Variants in NRXN3 observed in about 807,000 individuals in gnomAD.
The protein encoded by NRXN3 is neurexin III.
A neutral mutation model predicts 137.6 loss-of-function variants in NRXN3; 32 were observed. That is an observed-to-expected ratio of 0.23 (90% CI 0.18 to 0.31). NRXN3 has a LOEUF of 0.31. Ranked by LOEUF, NRXN3 falls within the 10% of genes least tolerant of loss-of-function variation. NRXN3 has a pLI of 1.00. For synonymous variants in NRXN3, 798 were observed against 784.5 expected, an observed-to-expected ratio of 1.02 and a Z score of -0.29; for missense variants, 1,574 against 2,062.5, an observed-to-expected ratio of 0.76 and a Z score of 4.59.
intron 15 of NRXN3, among the ~76,000 whole-genome samples, chr14:79,408,586 T>C (rs1247994966): frequency 6.6e-6 from 1 of 152,144 alleles, no homozygotes; most frequent in Non-Finnish European, 1.5e-5. Flanking sequence ...AGCCACCCAA[T>C]GACTTTTTTT....
intron 10 of NRXN3, among the ~76,000 whole-genome samples, chr14:78,885,874 T>C (rs1276656672): frequency 6.6e-6 from 1 of 152,060 alleles, no homozygotes; most frequent in Non-Finnish European, 1.5e-5. Flanking sequence ...GTATTAGTAT[T>C]GCTCACTCAC....
chr14:79,530,666 G>A (rs1170303452), intron 16 of NRXN3, among the ~76,000 whole-genome samples: 1 of 149,936 alleles, frequency 6.7e-6, no homozygotes, highest in Non-Finnish European at 1.5e-5. Context: ...TTTTAGCTGT[G>A]ATTGAAGAAA....
intron 10 of NRXN3, among the ~76,000 whole-genome samples, chr14:78,818,584 T>A (rs181898103): frequency 2.8e-4 from 42 of 152,260 alleles, no homozygotes; most frequent in Non-Finnish European, 2.9e-5. Context: ...TTTCATGAAG[T>A]CTGATTGGGC....
At chr14:79,315,755 T>C (rs1277525002) in intron 15 of NRXN3, among the ~76,000 whole-genome samples, 2 of 152,242 alleles carry the variant, frequency 1.3e-5, no homozygotes, top group African/African-American at 4.8e-5. Context: ...GAGTATATTC[T>C]TGGTTGCTCT....
chr14:78,680,066 G>T (rs1247309692), intron 6 of NRXN3, among the ~76,000 whole-genome samples: 23 of 151,722 alleles, frequency 1.5e-4, no homozygotes, highest in Admixed American at 1.5e-3. Context: ...ATTTTATATT[G>T]TGTATATATG....
intron 4 of NRXN3, among the ~76,000 whole-genome samples, chr14:78,519,858 G>A (rs1227680667): frequency 6.6e-6 from 1 of 152,152 alleles, no homozygotes; most frequent in Non-Finnish European, 1.5e-5. Flanking sequence ...AGAGATGTTT[G>A]TAGAGCATGC....
intron 8 of NRXN3, among the ~76,000 whole-genome samples, chr14:78,756,859 C>T (rs1207611994): frequency 6.6e-6 from 1 of 152,154 alleles, no homozygotes; most frequent in Non-Finnish European, 1.5e-5. Flanking sequence ...CTTACAAATC[C>T]TATATTTCTC....
At chr14:79,728,250 A>T (rs1395873997) in intron 19 of NRXN3, among the ~76,000 whole-genome samples, 1 of 152,166 alleles carries the variant, frequency 6.6e-6, no homozygotes, top group Non-Finnish European at 1.5e-5. Context: ...TAGTCCAGCT[A>T]CTTGATAGCC....
Position 78,942,445 on chromosome 14 carries a change from A to G in NRXN3, c.2276-14797A>G, listed in dbSNP as rs113496705. ...TCAGACATGAAAGATTTGGAAAAAC[A>G]GAAATAAAAAAGTTCCTTGAAGTAT... On this transcript the variant is annotated intron_variant, in intron 10 of 20. Coordinates refer to ENST00000335750, the MANE Select transcript of NRXN3 (RefSeq NM_001330195.2). 1.6e-3 allele frequency among the ~76,000 whole-genome samples: 246 copies of G among 152,344 alleles called. 1 individual carries two copies. Among genetic ancestry groups the G allele is most frequent in the African/African-American group, 5.3e-3 (222 of 41,584 alleles).
chr14:79,595,960 T>G (rs1317350512), intron 16 of NRXN3, among the ~76,000 whole-genome samples: 2 of 151,992 alleles, frequency 1.3e-5, no homozygotes, highest in Non-Finnish European at 2.9e-5. Flanking sequence ...TTTATGAAAA[T>G]CTAAAGACAG....
chr14:78,363,155 C>G lies in NRXN3; in HGVS notation c.757+65295C>G, dbSNP rs557744871. 1.8e-4 allele frequency among the ~76,000 whole-genome samples: 28 copies of G among 152,190 alleles called. No homozygotes were observed. In the South Asian group the frequency reaches 5.6e-3, roughly 31 times the overall value. ...TACCTGCCCTTCTTCCAGCCTGGCCCGGTTTGTTGCTTTGTTTTCACTGCT... is the reference window on the plus strand; with the variant it reads ...TACCTGCCCTTCTTCCAGCCTGGCCGGGTTTGTTGCTTTGTTTTCACTGCT... On this transcript the variant is annotated intron_variant, in intron 4 of 20. Transcript: ENST00000335750.
intron 19 of NRXN3, among the ~76,000 whole-genome samples, chr14:79,768,885 G>C (rs1448726189): frequency 6.6e-6 from 1 of 151,522 alleles, no homozygotes; most frequent in African/African-American, 2.4e-5. Context: ...AAAAAATTTA[G>C]AAGAATGTAT....
chr14:78,429,927 A>G (rs963693251), intron 4 of NRXN3, among the ~76,000 whole-genome samples: 3 of 152,252 alleles, frequency 2.0e-5, no homozygotes, highest in Non-Finnish European at 2.9e-5. Context: ...TACTGAATCA[A>G]TGAGCATTAG....
intron 15 of NRXN3, among the ~76,000 whole-genome samples, chr14:79,431,158 G>C (rs753792416): frequency 6.6e-6 from 1 of 151,922 alleles, no homozygotes; most frequent in East Asian, 1.9e-4. Context: ...AAAATTCTTC[G>C]TATCTTGCAA....
intron 6 of NRXN3, among the ~76,000 whole-genome samples, chr14:78,692,137 A>G (rs143857734): frequency 1.5e-3 from 230 of 152,342 alleles, no homozygotes; most frequent in African/African-American, 5.4e-3. Flanking sequence ...CTTAGGAAGC[A>G]TTAATGAAAC....
chr14:79,273,200 A>AAAAAAAAAAAAAAAAAG (rs1387362455), intron 15 of NRXN3, among the ~76,000 whole-genome samples: 2 of 127,660 alleles, frequency 1.6e-5, no homozygotes, highest in African/African-American at 2.9e-5. Flanking sequence ...AAAAAAAAAA[A>AAAAAAAAAAAAAAAAAG]TGGGTGGGAG....
At chr14:79,301,477 C>T (rs112863508) in intron 15 of NRXN3, among the ~76,000 whole-genome samples, 8 of 152,072 alleles carry the variant, frequency 5.3e-5, no homozygotes, top group African/African-American at 1.9e-4. Flanking sequence ...CGTATTATTG[C>T]CTGAGACCTG....
intron 19 of NRXN3, among the ~76,000 whole-genome samples, chr14:79,781,125 G>T (rs954855234): frequency 6.6e-6 from 1 of 151,746 alleles, no homozygotes; most frequent in African/African-American, 2.4e-5. Context: ...ATTATTTTAG[G>T]AATTAATATA....
intron 16 of NRXN3, among the ~76,000 whole-genome samples, chr14:79,538,730 C>G (rs1002304575): frequency 6.6e-6 from 1 of 152,104 alleles, no homozygotes; most frequent in Non-Finnish European, 1.5e-5. Flanking sequence ...CCAATCGCAG[C>G]CACTTTTAAC....
Sources: allele counts gnomAD v4.1 joint callset (sites outside exome capture counted in the v4.1 genomes callset), GRCh38; gene constraint gnomAD v4.1.1; transcripts MANE v1.5; gene names NCBI Gene and HGNC (gene_info 2026-07-23, HGNC 2026-07-21).